Variants in PTPRT observed in about 807,000 individuals in gnomAD.
PTPRT encodes the protein protein tyrosine phosphatase receptor type T.
Under a neutral mutation model 176.8 loss-of-function variants are expected in PTPRT, and 56 were observed. The observed-to-expected ratio is 0.32, with a 90% CI of 0.26 to 0.40. The LOEUF is 0.40. PTPRT is among the 10% of genes least tolerant of loss of function. PTPRT has a pLI of 1.00. For missense variants in PTPRT, 1,540 were observed against 1,908.2 expected, an observed-to-expected ratio of 0.81 and a Z score of 3.60; for synonymous variants, 783 against 739.0, an observed-to-expected ratio of 1.06 and a Z score of -0.96.
intron 7 of PTPRT, among the ~76,000 whole-genome samples, chr20:42,563,020 G>A (rs1340688263): frequency 1.3e-5 from 2 of 152,060 alleles, no homozygotes; most frequent in East Asian, 3.8e-4. Context: ...GCCTAAAAGT[G>A]TAATAAGGTT....
chr20:42,994,207 G>A (rs1261938293), intron 1 of PTPRT, among the ~76,000 whole-genome samples: 2 of 152,096 alleles, frequency 1.3e-5, no homozygotes, highest in African/African-American at 4.8e-5. Context: ...CATGTGACTG[G>A]ATTCCAATCA....
chr20:42,832,208 T>C (rs899391022), intron 2 of PTPRT, among the ~76,000 whole-genome samples: 3 of 152,226 alleles, frequency 2.0e-5, no homozygotes, highest in Non-Finnish European at 4.4e-5. Flanking sequence ...AATGAGATCA[T>C]GTCTTGCAGG....
intron 11 of PTPRT, among the ~76,000 whole-genome samples, chr20:42,329,606 A>T (rs2057938965): frequency 6.6e-6 from 1 of 152,134 alleles, no homozygotes. Flanking sequence ...TTGGAGAAAC[A>T]AAAGAATAAA....
intron 6 of PTPRT, among the ~76,000 whole-genome samples, chr20:42,682,816 A>C (rs1311302321): frequency 6.6e-6 from 1 of 152,178 alleles, no homozygotes; most frequent in East Asian, 1.9e-4. Flanking sequence ...CCACATCCTC[A>C]GGCATCAATC....
At chr20:42,884,923 C>T (rs567627381) in intron 2 of PTPRT, among the ~76,000 whole-genome samples, 1 of 152,172 alleles carries the variant, frequency 6.6e-6, no homozygotes, top group South Asian at 2.1e-4. Flanking sequence ...CAAGATGCAC[C>T]TTACGCAGGT....
At chr20:42,746,869 A>C (rs573843946) in intron 6 of PTPRT, among the ~76,000 whole-genome samples, 42 of 152,212 alleles carry the variant, frequency 2.8e-4, no homozygotes, top group African/African-American at 7.0e-4. Flanking sequence ...AGCATATATG[A>C]TCCATATGCA....
chr20:42,319,303 A>G (rs2145391836), intron 11 of PTPRT, among the ~76,000 whole-genome samples: 1 of 151,006 alleles, frequency 6.6e-6, no homozygotes, highest in South Asian at 2.1e-4. Context: ...CCTACAAACC[A>G]ATAAAACGTA....
intron 1 of PTPRT, among the ~76,000 whole-genome samples, chr20:43,157,705 G>A (rs183642219): frequency 2.6e-5 from 4 of 152,174 alleles, no homozygotes; most frequent in East Asian, 1.9e-4. Context: ...GTTATATATC[G>A]GTCATCTTAT....
intron 7 of PTPRT, among the ~76,000 whole-genome samples, chr20:42,539,064 C>T (rs748432259): frequency 6.6e-6 from 1 of 152,174 alleles, no homozygotes; most frequent in African/African-American, 2.4e-5. Context: ...CTACCAGTCT[C>T]TTCCATTGGC....
intron 1 of PTPRT, among the ~76,000 whole-genome samples, chr20:42,961,273 G>A (rs1183303915): frequency 3.9e-5 from 6 of 152,128 alleles, no homozygotes; most frequent in African/African-American, 7.2e-5. Flanking sequence ...AAGAAAAGAA[G>A]GTGGTGATAA....
At chr20:42,477,190 C>T (rs2071305022) in intron 7 of PTPRT, among the ~76,000 whole-genome samples, 1 of 152,082 alleles carries the variant, frequency 6.6e-6, no homozygotes, top group Non-Finnish European at 1.5e-5. Context: ...GTGTTTGTCC[C>T]CCCTCTCAGG....
chr20:42,840,389 CT>C (rs1052652649), intron 2 of PTPRT, among the ~76,000 whole-genome samples: 18 of 152,054 alleles, frequency 1.2e-4, no homozygotes, highest in Non-Finnish European at 5.9e-5. Context: ...TTCAACACAT[CT>C]TTTTTGTTTT....
intron 1 of PTPRT, among the ~76,000 whole-genome samples, chr20:42,934,929 A>G (rs1043675872): frequency 1.4e-4 from 22 of 151,956 alleles, no homozygotes; most frequent in South Asian, 4.2e-4. Flanking sequence ...AAAGAAAAAA[A>G]AATCTGGGCA....
intron 11 of PTPRT, among the ~76,000 whole-genome samples, chr20:42,349,680 T>C (rs2058248040): frequency 6.6e-6 from 1 of 152,138 alleles, no homozygotes. Flanking sequence ...ACATACTGAG[T>C]TTATGCTTGA....
At chr20:42,414,389 T>C (rs568091189) in intron 9 of PTPRT, among the ~76,000 whole-genome samples, 37 of 152,346 alleles carry the variant, frequency 2.4e-4, no homozygotes, top group Middle Eastern at 6.8e-3. Flanking sequence ...GGATGTCCTC[T>C]ATTCCAGATA....
Position 42,409,468 on chromosome 20 carries a change from C to T in PTPRT, c.1560+38752G>A, listed in dbSNP as rs993554147. 7.3e-5 allele frequency among the ~76,000 whole-genome samples: 8 copies of T among 109,864 alleles called. No homozygotes were observed. In the East Asian group the frequency reaches 2.0e-3, roughly 28 times the overall value. 72.1% of individuals were successfully genotyped at this position (109,864 alleles called of 152,430 possible). On this transcript the variant is annotated intron_variant, in intron 9 of 30. Transcript: ENST00000373187. ...CTGTACTCCAGCCTGGGCAACAGAA[C>T]GAGACTCTGTCGCAAAAAAAAAAAA...
chr20:42,340,744 C>T (rs555356853), intron 11 of PTPRT, among the ~76,000 whole-genome samples: 279 of 152,174 alleles, frequency 1.8e-3, no homozygotes, highest in Non-Finnish European at 3.4e-3. Context: ...GGACAGAGAC[C>T]GAGAGCCATC....
At chr20:42,147,194 A>G (rs1988906091) in intron 17 of PTPRT, among the ~76,000 whole-genome samples, 1 of 152,208 alleles carries the variant, frequency 6.6e-6, no homozygotes, top group Non-Finnish European at 1.5e-5. Context: ...ATGTGCTTGA[A>G]AGACCTATTT....
chr20:42,059,316 T>G, the PTPRT span, among the ~76,000 whole-genome samples: 1 of 152,164 alleles, frequency 6.6e-6, no homozygotes, highest in South Asian at 2.1e-4. Context: ...AGAGGGCCTG[T>G]GGCCTGACCA....
Sources: allele counts gnomAD v4.1 joint callset (sites outside exome capture counted in the v4.1 genomes callset), GRCh38; gene constraint gnomAD v4.1.1; transcripts MANE v1.5; gene names NCBI Gene and HGNC (gene_info 2026-07-23, HGNC 2026-07-21).